SLC25A21: variants seen among roughly 807,000 people sequenced by gnomAD.
The protein encoded by SLC25A21 is mitochondrial 2-oxodicarboxylate carrier.
Under a neutral mutation model 43.8 loss-of-function variants are expected in SLC25A21, and 47 were observed. That is an observed-to-expected ratio of 1.07 (90% CI 0.85 to 1.37). The LOEUF (loss-of-function observed/expected upper bound fraction) is 1.37. SLC25A21 is among the 40% of genes most tolerant of loss of function. The pLI, the probability that SLC25A21 is intolerant of heterozygous loss-of-function variation, is 0.00. For missense variants in SLC25A21, 352 were observed against 350.2 expected (o/e 1.00, Z -0.04); for synonymous variants, 131 against 121.3 (o/e 1.08, Z -0.52).
intron 1 of SLC25A21, among the ~76,000 whole-genome samples, chr14:37,001,535 A>AT (rs1269909317): frequency 6.6e-6 from 1 of 152,088 alleles, no homozygotes; most frequent in Non-Finnish European, 1.5e-5. Context: ...TAATAGCCTT[A>AT]TTTTTTATGA....
chr14:36,829,564 C>T (rs1345089980), intron 2 of SLC25A21, among the ~76,000 whole-genome samples: 3 of 152,120 alleles, frequency 2.0e-5, no homozygotes, highest in Non-Finnish European at 2.9e-5. Flanking sequence ...TTTCTTTCAC[C>T]CTGCCCACAC....
At position 36,725,572 on chromosome 14, in the gene SLC25A21, C is replaced by G; in HGVS notation, c.436G>C (p.Glu146Gln). 6.4e-7 allele frequency: 1 copy of G among 1,564,914 alleles called. No individual in the cohort carries two copies. The highest frequency in any genetic ancestry group is 1.4e-5 in the African/African-American group (1 of 72,808). ...GLQANRNTFA[E>Q]QPSTVGYARQ... ...ATAGAAAAACATTAAATGGTTACCT[C>G]TGCAAATGTGTTCCGATTTGCTTGC... Residue 146 changes from glutamate to glutamine, a missense_variant and splice_region_variant, in exon 6 of 10, where the codon GAG becomes CAG. Coordinates refer to ENST00000331299, the MANE Select transcript of SLC25A21 (RefSeq NM_030631.4).
intron 1 of SLC25A21, among the ~76,000 whole-genome samples, chr14:37,099,724 C>A (rs1460688425): frequency 1.3e-5 from 2 of 152,112 alleles, no homozygotes; most frequent in African/African-American, 2.4e-5. Flanking sequence ...ATATTGGGAA[C>A]TTTAAATGTA....
chr14:37,150,579 C>T (rs1310896228), intron 1 of SLC25A21, among the ~76,000 whole-genome samples: 2 of 152,144 alleles, frequency 1.3e-5, no homozygotes, highest in African/African-American at 4.8e-5. Context: ...GGAATGTAAT[C>T]AGAAGTTAAC....
intron 3 of SLC25A21, among the ~76,000 whole-genome samples, chr14:36,768,961 C>A (rs201677111): frequency 6.7e-6 from 1 of 149,830 alleles, no homozygotes; most frequent in Admixed American, 6.6e-5. Context: ...AAACCTATAT[C>A]TATCTATATC....
intron 1 of SLC25A21, among the ~76,000 whole-genome samples, chr14:37,061,687 CAT>C (rs1961951338): frequency 6.6e-6 from 1 of 152,174 alleles, no homozygotes; most frequent in Non-Finnish European, 1.5e-5. Context: ...GTTCATAGTT[CAT>C]AGTGTCCTTT....
At chr14:36,913,734 A>G (rs1367551875) in intron 1 of SLC25A21, among the ~76,000 whole-genome samples, 1 of 152,240 alleles carries the variant, frequency 6.6e-6, no homozygotes, top group Non-Finnish European at 1.5e-5. Flanking sequence ...TTTAATTGTC[A>G]GAGTAAGTTA....
chr14:37,039,194 T>C (rs936835698), intron 1 of SLC25A21, among the ~76,000 whole-genome samples: 2 of 152,186 alleles, frequency 1.3e-5, no homozygotes, highest in African/African-American at 2.4e-5. Context: ...TCATTGACAG[T>C]ATGTTGCAAA....
chr14:36,773,704 T>C (rs939051925), intron 3 of SLC25A21, among the ~76,000 whole-genome samples: 1 of 152,214 alleles, frequency 6.6e-6, no homozygotes. Context: ...TTAATCCTCA[T>C]GATAACCCTA....
At chr14:37,063,828 G>A (rs902582354) in intron 1 of SLC25A21, among the ~76,000 whole-genome samples, 1 of 152,112 alleles carries the variant, frequency 6.6e-6, no homozygotes, top group Non-Finnish European at 1.5e-5. Context: ...TGTGTTGCTA[G>A]ACTCAAAACA....
chr14:37,102,754 C>T (rs149320396), intron 1 of SLC25A21, among the ~76,000 whole-genome samples: 8 of 151,726 alleles, frequency 5.3e-5, no homozygotes, highest in African/African-American at 9.7e-5. Flanking sequence ...GGGAGGCTGA[C>T]GCAAGCAGAT....
At chr14:36,899,269 A>G in intron 1 of SLC25A21, among the ~76,000 whole-genome samples, 1 of 152,186 alleles carries the variant, frequency 6.6e-6, no homozygotes, top group East Asian at 1.9e-4. Context: ...AATGAAAATG[A>G]AAAGAAAAAA....
intron 2 of SLC25A21, chr14:36,870,415 T>C (rs538081553): frequency 3.9e-5 from 6 of 152,344 alleles, no homozygotes; most frequent in Admixed American, 6.5e-5. Flanking sequence ...CTTCTGGGGA[T>C]TGTCAGCAGT....
intron 7 of SLC25A21, among the ~76,000 whole-genome samples, chr14:36,708,998 T>C (rs1883708278): frequency 7.7e-6 from 1 of 130,626 alleles, no homozygotes; most frequent in South Asian, 2.9e-4. Context: ...TACATATATC[T>C]GATTAATCTT....
chr14:37,059,384 G>C (rs1160052937), intron 1 of SLC25A21, among the ~76,000 whole-genome samples: 1 of 152,116 alleles, frequency 6.6e-6, no homozygotes, highest in African/African-American at 2.4e-5. Flanking sequence ...AACCGAGTCT[G>C]TACTATTAAC....
At chr14:36,821,486 G>A (rs1293312998) in intron 2 of SLC25A21, among the ~76,000 whole-genome samples, 2 of 152,122 alleles carry the variant, frequency 1.3e-5, no homozygotes, top group Non-Finnish European at 2.9e-5. Context: ...AAATTTAGCT[G>A]TGGGTATTTT....
chr14:37,112,167 G>A (rs1963031152), intron 1 of SLC25A21, among the ~76,000 whole-genome samples: 1 of 151,702 alleles, frequency 6.6e-6, no homozygotes, highest in Admixed American at 6.6e-5. Flanking sequence ...TTCTAGAAAG[G>A]ATTAAAGGTG....
At chr14:37,153,518 G>A (rs75700387) in intron 1 of SLC25A21, among the ~76,000 whole-genome samples, 2,777 of 152,318 alleles carry the variant, frequency 0.018, 44 homozygotes, top group Non-Finnish European at 0.029. Context: ...TCCTACAGCT[G>A]GGGTGGGGGA....
intron 3 of SLC25A21, among the ~76,000 whole-genome samples, chr14:36,741,237 T>G (rs191328323): frequency 6.6e-6 from 1 of 152,182 alleles, no homozygotes; most frequent in South Asian, 2.1e-4. Flanking sequence ...GGAAATTTCC[T>G]AAGTTACTAG....
Sources: allele counts gnomAD v4.1 joint callset (sites outside exome capture counted in the v4.1 genomes callset), GRCh38; gene constraint gnomAD v4.1.1; transcripts MANE v1.5; gene names NCBI Gene and HGNC (gene_info 2026-07-23, HGNC 2026-07-21).